The following AGPS variants were observed in gnomAD, a reference collection of about 807,000 sequenced individuals.
AGPS encodes alkyldihydroxyacetonephosphate synthase, peroxisomal.
AGPS carries 26 observed loss-of-function variants against 90.7 expected under a neutral mutation model. The ratio of observed to expected loss-of-function variants is 0.29; its 90% CI spans 0.21 to 0.40. The LOEUF (loss-of-function observed/expected upper bound fraction) is 0.40, where lower values mean the gene tolerates loss of function less well. Among genes scored for constraint, AGPS ranks in the 10% least tolerant of loss-of-function variants. The pLI is 1.00. For missense variants in AGPS, 540 were observed against 816.1 expected (o/e 0.66, Z 4.12); for synonymous variants, 294 against 285.3 (o/e 1.03, Z -0.31).
chr2:177,434,502 A>G (rs1430276326), intron 3 of AGPS, 85 bp downstream of exon 3: 6 of 1,061,438 alleles, frequency 5.7e-6, no homozygotes, highest in African/African-American at 1.6e-5. Flanking sequence ...AATTCATTAT[A>G]TTGGATTTAC....
At chr2:177,510,337 C>A (rs7607073) in intron 16 of AGPS, among the ~76,000 whole-genome samples, 128,613 of 152,060 alleles carry the variant, frequency 0.85, 54,596 homozygotes, top group East Asian at 0.98. Flanking sequence ...ATAAAGCACT[C>A]ATCCCATTAA....
intron 1 of AGPS, among the ~76,000 whole-genome samples, chr2:177,403,934 C>G (rs1685398375): frequency 6.6e-6 from 1 of 152,066 alleles, no homozygotes; most frequent in Non-Finnish European, 1.5e-5. Flanking sequence ...CAATTAAATC[C>G]TTAATAATTT....
chr2:177,416,743 A>G (rs549516074), intron 1 of AGPS, among the ~76,000 whole-genome samples: 1 of 151,742 alleles, frequency 6.6e-6, no homozygotes, highest in Non-Finnish European at 1.5e-5. Flanking sequence ...ATTAGCCAGG[A>G]TGGTCTTGAT....
intron 9 of AGPS, among the ~76,000 whole-genome samples, chr2:177,468,174 A>G (rs765739016): frequency 6.6e-6 from 1 of 152,084 alleles, no homozygotes. Context: ...TAATAAATAA[A>G]CCACTTTAAA....
intron 2 of AGPS, among the ~76,000 whole-genome samples, chr2:177,424,493 C>T (rs569821452): frequency 6.6e-6 from 1 of 151,826 alleles, no homozygotes; most frequent in East Asian, 1.9e-4. Context: ...GTCTGTATGC[C>T]TCTGAATAGT....
intron 1 of AGPS, among the ~76,000 whole-genome samples, chr2:177,410,540 A>C (rs1273623424): frequency 6.6e-6 from 1 of 152,142 alleles, no homozygotes; most frequent in Admixed American, 6.5e-5. Flanking sequence ...CTAACAAAGG[A>C]GTGGGGCTTT....
At chr2:177,492,705 A>G (rs141626892) in intron 11 of AGPS, among the ~76,000 whole-genome samples, 1 of 152,278 alleles carries the variant, frequency 6.6e-6, no homozygotes, top group Non-Finnish European at 1.5e-5. Flanking sequence ...AAAAGTCAGA[A>G]TGTCTTCATC....
chr2:177,431,704 A>G (rs1324181287), intron 2 of AGPS, among the ~76,000 whole-genome samples: 1 of 152,208 alleles, frequency 6.6e-6, no homozygotes, highest in Non-Finnish European at 1.5e-5. Context: ...CTCTGCAAGA[A>G]GAAAAATATG....
intron 2 of AGPS, among the ~76,000 whole-genome samples, chr2:177,421,165 A>C (rs902148740): frequency 7.9e-5 from 12 of 152,050 alleles, no homozygotes; most frequent in African/African-American, 2.9e-4. Flanking sequence ...TTGTCTGTTG[A>C]ATTTTGATAC....
chr2:177,481,885 A>G (rs1259365112), intron 10 of AGPS, among the ~76,000 whole-genome samples, 174 bp from the exon 11 acceptor site: 1 of 151,812 alleles, frequency 6.6e-6, no homozygotes, highest in Non-Finnish European at 1.5e-5. Context: ...AAATTGTAAA[A>G]TTTGCTTAAT....
intron 10 of AGPS, among the ~76,000 whole-genome samples, chr2:177,478,985 T>C (rs1000499645): frequency 6.6e-6 from 1 of 152,114 alleles, no homozygotes. Flanking sequence ...CATGCTCTGT[T>C]GCAAATAAAG....
rs116663165 is a variant in AGPS, at chr2:177,413,269, C to G, written c.261-7000C>G. On this transcript the variant is annotated intron_variant, in intron 1 of 19. Transcript: ENST00000264167. ...GTATTGTTGGTCTGTCCCCAAAGGA[C>G]AGCAGGGGAAGGGAACTTAGGCTTG... is the stretch of plus-strand genomic sequence containing the variant. Among the ~76,000 whole-genome samples the G allele has an allele frequency of 7.9e-3, 1,210 of 152,238 alleles. 13 individuals carry two copies. Among genetic ancestry groups the G allele is most frequent in the African/African-American group, 0.027 (1,127 of 41,532 alleles).
intron 17 of AGPS, among the ~76,000 whole-genome samples, chr2:177,520,057 G>A (rs1472721032): frequency 5.3e-5 from 8 of 152,326 alleles, no homozygotes; most frequent in Admixed American, 3.3e-4. Context: ...AGGTGTAGCA[G>A]TGAGGATGAC....
chr2:177,411,349 T>C (rs1685615309), intron 1 of AGPS, among the ~76,000 whole-genome samples: 1 of 152,210 alleles, frequency 6.6e-6, no homozygotes, highest in South Asian at 2.1e-4. Context: ...TCTTTCCCTG[T>C]GTTATAGTGG....
At chr2:177,393,669 A>G (rs1685088337) in intron 1 of AGPS, 1 of 695,302 alleles carries the variant, frequency 1.4e-6, no homozygotes. Flanking sequence ...GCTCTGTGTA[A>G]CCAGAAGCTA....
intron 19 of AGPS, among the ~76,000 whole-genome samples, chr2:177,536,708 T>C (rs1238244319): frequency 4.6e-5 from 7 of 152,158 alleles, no homozygotes; most frequent in Non-Finnish European, 1.0e-4. Flanking sequence ...AGGTTTTTTT[T>C]CTGCTGAACT....
At chr2:177,509,855 A>G (rs748564538) in intron 16 of AGPS, among the ~76,000 whole-genome samples, 2 of 152,200 alleles carry the variant, frequency 1.3e-5, no homozygotes, top group African/African-American at 4.8e-5. Flanking sequence ...GAAACCAGTA[A>G]GGCAGACATT....
At chr2:177,528,705 T>G (rs1574035518) in intron 19 of AGPS, among the ~76,000 whole-genome samples, 1 of 152,330 alleles carries the variant, frequency 6.6e-6, no homozygotes, top group East Asian at 1.9e-4. Flanking sequence ...CCCTAAACAG[T>G]GACTGGCTGC....
chr2:177,393,048 C>A lies in AGPS; in HGVS notation c.259C>A (p.Arg87=). The A allele has an allele frequency of 1.3e-6, 2 of 1,550,328 alleles. No homozygotes were observed. Among genetic ancestry groups the A allele is most frequent in the East Asian group, 4.9e-5 (2 of 40,884 alleles). ...AQESGTIPKK[R]QEVMKWNGWG... ...GGAGTCGGGCACCATCCCAAAGAAG[C>A]GGTGAGTAGCGGTATGTGGAAGGAG... Residue 87 remains arginine, a splice_region_variant and synonymous_variant, in exon 1 of 20, where the codon CGG becomes AGG. Transcript: ENST00000264167.
Sources: allele counts gnomAD v4.1 joint callset (sites outside exome capture counted in the v4.1 genomes callset), GRCh38; gene constraint gnomAD v4.1.1; transcripts MANE v1.5; gene names NCBI Gene and HGNC (gene_info 2026-07-23, HGNC 2026-07-21).